Variants in MSI1 observed in about 807,000 individuals in gnomAD.
The protein encoded by MSI1 is RNA-binding protein Musashi homolog 1.
In MSI1, 15 loss-of-function variants were observed where a neutral mutation model predicts 54.4. The observed-to-expected ratio is 0.28, with a 90% CI of 0.18 to 0.42. The LOEUF is 0.42. MSI1 is among the 20% of genes least tolerant of loss of function. MSI1 has a pLI of 1.00. For synonymous variants in MSI1, 200 were observed against 196.5 expected, an observed-to-expected ratio of 1.02 and a Z score of -0.15; for missense variants, 304 against 506.0, an observed-to-expected ratio of 0.60 and a Z score of 3.83.
chr12:120,364,152 C>T (rs923722423), intron 5 of MSI1, among the ~76,000 whole-genome samples: 4 of 152,182 alleles, frequency 2.6e-5, no homozygotes, highest in Non-Finnish European at 5.9e-5. Context: ...CCATTTTCTG[C>T]GCACCTTGAC....
rs1351357813 is a variant in MSI1 at position 120,347,490 on chromosome 12, G to C, written c.815C>G (p.Pro272Arg). 1.2e-6 allele frequency: 2 copies of C among 1,614,136 alleles called. No homozygotes were observed. The change falls in exon 12 of 15, where the codon CCA (proline) becomes CGA (arginine). Residue 272 changes from proline (P) to arginine (R), a missense_variant. Around this residue, in one of 4 missense-constraint regions of MSI1, gnomAD observed 147 missense variants for 231.5 expected, o/e 0.64. Transcript: ENST00000257552. ...LTAIPLTAYG[P>R]MAAAAAAAAV... ...CGCTGCCGCCGCTGCCGCCGCCATT[G>C]GTCCGTAGGCAGTGAGAGGAATGGC...
At chr12:120,357,772 G>T in intron 8 of MSI1, 44 bp downstream of exon 8, 1 of 1,592,658 alleles carries the variant, frequency 6.3e-7, no homozygotes, top group Non-Finnish European at 8.6e-7. Flanking sequence ...TCCCCAAAGT[G>T]CTTGGCTTAC....
chr12:120,358,179 A>G (rs977611908), intron 7 of MSI1, among the ~76,000 whole-genome samples: 1 of 152,382 alleles, frequency 6.6e-6, no homozygotes, highest in Admixed American at 6.5e-5. Flanking sequence ...TACACTCAAC[A>G]TGCTTTTTCT....
rs903111778 is a variant in MSI1 at position 120,351,239 on chromosome 12, C to T, written c.790+105G>A. On this transcript the variant is annotated intron_variant, in intron 11 of 14. Transcript: ENST00000257552. ...TGTGTCCCCACAGCCGGAGGGCTGG[C>T]GGGCAGGAGAAAAGGATCCCGCTAG... The T allele has an allele frequency of 8.6e-5, 94 of 1,093,388 alleles. No homozygotes were observed. In the African/African-American group the frequency reaches 1.3e-3, roughly 15 times the overall value. 67.7% of individuals were successfully genotyped at this position (1,093,388 alleles called of 1,614,324 possible).
At chr12:120,357,126 G>GA in intron 8 of MSI1, 107 bp from the exon 9 acceptor site, 2 of 1,026,318 alleles carry the variant, frequency 1.9e-6, no homozygotes, top group Non-Finnish European at 3.0e-6. Context: ...CTGTCCAGCT[G>GA]AAAACTATTT....
At chr12:120,354,870 T>C (rs1047748877) in intron 9 of MSI1, among the ~76,000 whole-genome samples, 2 of 152,004 alleles carry the variant, frequency 1.3e-5, no homozygotes, top group African/African-American at 2.4e-5. Flanking sequence ...TGGATCTTAT[T>C]CTGAAGGACA....
chr12:120,360,283 C>T (rs891560859), intron 6 of MSI1, among the ~76,000 whole-genome samples: 2 of 152,186 alleles, frequency 1.3e-5, no homozygotes, highest in African/African-American at 2.4e-5. Context: ...CCAGGCCCGA[C>T]CCCATCATCT....
intron 4 of MSI1, among the ~76,000 whole-genome samples, chr12:120,365,635 G>A (rs1176948878): frequency 8.5e-5 from 13 of 152,208 alleles, no homozygotes; most frequent in African/African-American, 2.9e-4. Context: ...AGTAGGCTCA[G>A]TTCTGTTTTC....
intron 10 of MSI1, 96 bp from the exon 11 acceptor site, chr12:120,351,496 G>C: frequency 1.8e-6 from 2 of 1,114,922 alleles, no homozygotes; most frequent in Non-Finnish European, 2.6e-6. Context: ...CACTGGGTGA[G>C]GAGACAGGCC....
At chr12:120,360,711 G>C (rs1166005580) in intron 6 of MSI1, among the ~76,000 whole-genome samples, 1 of 152,202 alleles carries the variant, frequency 6.6e-6, no homozygotes, top group East Asian at 1.9e-4. Context: ...TCCTGCATTT[G>C]CTGGTTGGGT....
downstream of MSI1, among the ~76,000 whole-genome samples, chr12:120,341,082 C>T (rs545571604): frequency 8.6e-4 from 130 of 151,958 alleles, no homozygotes; most frequent in African/African-American, 3.0e-3. Context: ...GATGGGGTTT[C>T]GCCATGTTGA....
At chr12:120,345,215 A>G (rs898755493) in intron 14 of MSI1, among the ~76,000 whole-genome samples, 36 of 150,244 alleles carry the variant, frequency 2.4e-4, no homozygotes, top group African/African-American at 8.1e-4. Context: ...TTAGCCAGGC[A>G]TGGTGGCAGG....
downstream of MSI1, among the ~76,000 whole-genome samples, chr12:120,340,617 G>A (rs903920168): frequency 6.6e-6 from 1 of 151,774 alleles, no homozygotes; most frequent in African/African-American, 2.4e-5. Context: ...CAGGGCTCAA[G>A]CAATCTTCCC....
intron 9 of MSI1, among the ~76,000 whole-genome samples, chr12:120,355,399 T>C (rs1331240178): frequency 7.4e-5 from 6 of 81,314 alleles, no homozygotes; most frequent in Non-Finnish European, 1.4e-4. Flanking sequence ...TGAGACTCCG[T>C]CTCAAAAAAA....
chr12:120,358,967 G>C (rs1054839984), intron 7 of MSI1, 38 bp downstream of exon 7: 3 of 1,558,854 alleles, frequency 1.9e-6, no homozygotes, highest in Admixed American at 3.9e-5. Context: ...GGCTGACCAC[G>C]GGGCCCAGCC....
rs781498890 is a variant in MSI1 at position 120,359,065 on chromosome 12, C to A, written c.403-12G>T. On this transcript the variant is annotated splice_polypyrimidine_tract_variant and intron_variant, in intron 6 of 14. Transcript: ENST00000257552. ...ATGGCGTCGTCCACCTGAAACACAG[C>A]CCGCCATGGAGGACCCAGCAGATAC... The A allele has an allele frequency of 6.4e-7, 1 of 1,553,922 alleles. No homozygotes were observed. Among genetic ancestry groups the A allele is most frequent in the Non-Finnish European group, 8.7e-7 (1 of 1,148,164 alleles).
intron 5 of MSI1, 102 bp from the exon 6 acceptor site, chr12:120,363,237 T>A: frequency 2.2e-6 from 2 of 909,480 alleles, no homozygotes; most frequent in African/African-American, 1.7e-5. Context: ...TGACAAGCTC[T>A]CTGTGGCCCC....
chr12:120,343,573 C>T (rs1477795107), intron 14 of MSI1, among the ~76,000 whole-genome samples: 2 of 152,076 alleles, frequency 1.3e-5, no homozygotes, highest in Non-Finnish European at 2.9e-5. Context: ...CCCCAGATTT[C>T]GAATGGCTGG....
At chr12:120,352,598 A>G (rs1319713757) in intron 10 of MSI1, among the ~76,000 whole-genome samples, 2 of 152,162 alleles carry the variant, frequency 1.3e-5, no homozygotes, top group Non-Finnish European at 2.9e-5. Context: ...CGTCCCGTAC[A>G]CAAAGTTCTC....
Sources: allele counts gnomAD v4.1 joint callset (sites outside exome capture counted in the v4.1 genomes callset), GRCh38; gene constraint gnomAD v4.1.1; regional missense constraint gnomAD v4.1.1; transcripts MANE v1.5; gene names NCBI Gene and HGNC (gene_info 2026-07-23, HGNC 2026-07-21).